The following FILIP1L variants were observed in gnomAD, a reference collection of about 807,000 sequenced individuals.
FILIP1L encodes the protein filamin A-interacting protein 1-like.
In FILIP1L, 55 loss-of-function variants were observed where a neutral mutation model predicts 96.6. That is an observed-to-expected ratio of 0.57 (90% CI 0.46 to 0.71). The LOEUF is 0.71. FILIP1L is among the 30% of genes least tolerant of loss of function. FILIP1L has a pLI of 0.00. For missense variants in FILIP1L, 1,304 were observed against 1,321.2 expected, an observed-to-expected ratio of 0.99 and a Z score of 0.20; for synonymous variants, 467 against 473.9, an observed-to-expected ratio of 0.99 and a Z score of 0.19.
intron 4 of FILIP1L, among the ~76,000 whole-genome samples, chr3:99,899,097 A>G (rs1181145342): frequency 3.3e-5 from 5 of 152,214 alleles, no homozygotes; most frequent in African/African-American, 4.8e-5. Flanking sequence ...CTTTGATTAT[A>G]TTAGATGGAG....
intron 5 of FILIP1L, among the ~76,000 whole-genome samples, chr3:99,832,705 G>A (rs1180701562): frequency 8.3e-6 from 1 of 119,926 alleles, no homozygotes; most frequent in Non-Finnish European, 1.7e-5. Flanking sequence ...GCCGGGCGTC[G>A]TGGCGCACTC....
intron 5 of FILIP1L, among the ~76,000 whole-genome samples, chr3:99,844,619 C>G (rs1357950201): frequency 6.6e-6 from 1 of 152,168 alleles, no homozygotes; most frequent in Non-Finnish European, 1.5e-5. Context: ...AATCCTTAGA[C>G]TACAAATCTC....
chr3:100,008,289 T>G (rs1223211349), intron 1 of FILIP1L, among the ~76,000 whole-genome samples: 3 of 152,120 alleles, frequency 2.0e-5, no homozygotes, highest in Non-Finnish European at 2.9e-5. Flanking sequence ...AGCATAGACT[T>G]GAACCAGTGC....
intron 1 of FILIP1L, among the ~76,000 whole-genome samples, chr3:100,111,962 T>G (rs1172519947): frequency 6.6e-6 from 1 of 152,220 alleles, no homozygotes; most frequent in Non-Finnish European, 1.5e-5. Flanking sequence ...TGCAGATTCC[T>G]ACACTCAGGG....
chr3:99,968,067 C>T (rs1316064467), intron 1 of FILIP1L, among the ~76,000 whole-genome samples: 1 of 152,132 alleles, frequency 6.6e-6, no homozygotes, highest in Non-Finnish European at 1.5e-5. Context: ...TTGGGGAAAA[C>T]ATGTACAAAG....
At chr3:100,078,833 G>A (rs1379039825) in intron 1 of FILIP1L, among the ~76,000 whole-genome samples, 1 of 152,170 alleles carries the variant, frequency 6.6e-6, no homozygotes, top group Non-Finnish European at 1.5e-5. Context: ...GGAGGCTGCA[G>A]TGAGCCAAGA....
chr3:100,004,590 A>G (rs190065240), intron 1 of FILIP1L, among the ~76,000 whole-genome samples: 1 of 152,208 alleles, frequency 6.6e-6, no homozygotes, highest in Non-Finnish European at 1.5e-5. Context: ...GATACAAGGA[A>G]TTAAGAAACA....
At chr3:99,871,976 G>A (rs1944810575) in intron 4 of FILIP1L, among the ~76,000 whole-genome samples, 1 of 151,714 alleles carries the variant, frequency 6.6e-6, no homozygotes, top group Non-Finnish European at 1.5e-5. Context: ...TAAGAACTTT[G>A]AACCTTTCTA....
Position 99,848,612 on chromosome 3 carries a change from G to C in FILIP1L, c.3064C>G (p.Pro1022Ala). 6.2e-7 allele frequency: 1 copy of C among 1,614,198 alleles called. No individual in the cohort carries two copies. The highest frequency in any genetic ancestry group is 8.5e-7 in the Non-Finnish European group (1 of 1,180,030). Residue 1022 changes from proline to alanine, a missense_variant, in exon 5 of 6, where the codon CCA (proline) becomes GCA (alanine). Physicochemically the swap from Pro to Ala is conservative, Grantham distance 27. Coordinates refer to ENST00000477258, the MANE Select transcript of FILIP1L (RefSeq NM_001387850.1). Reference protein sequence around the residue: ...SSPEQGRSPEPTEISAKHAIF... With the variant: ...SSPEQGRSPEATEISAKHAIF... ...GCATGCTTGGCACTGATTTCTGTTG[G>C]TTCTGGGGAGCGTCCCTGCTCAGGA...
chr3:100,027,254 G>A (rs7647256), intron 1 of FILIP1L, among the ~76,000 whole-genome samples: 140,731 of 152,220 alleles, frequency 0.92, 65,164 homozygotes, highest in African/African-American at 0.98. Context: ...TAGATTCCAC[G>A]TGGATAGGGA....
At chr3:99,862,602 C>G (rs1054049364) in intron 4 of FILIP1L, among the ~76,000 whole-genome samples, 1 of 152,178 alleles carries the variant, frequency 6.6e-6, no homozygotes, top group Non-Finnish European at 1.5e-5. Flanking sequence ...AACACAGTAC[C>G]TCCAGCTCAG....
chr3:99,859,417 A>G (rs1339385362), intron 4 of FILIP1L, among the ~76,000 whole-genome samples: 1 of 152,242 alleles, frequency 6.6e-6, no homozygotes, highest in Non-Finnish European at 1.5e-5. Flanking sequence ...CAGTCACCCT[A>G]GTCCTAAGTA....
intron 4 of FILIP1L, among the ~76,000 whole-genome samples, chr3:99,908,549 G>C (rs1229094437): frequency 6.6e-6 from 1 of 152,174 alleles, no homozygotes; most frequent in African/African-American, 2.4e-5. Flanking sequence ...GAAGTGTTAA[G>C]AGCTCAGATA....
chr3:100,020,282 C>T (rs960344119), intron 1 of FILIP1L, among the ~76,000 whole-genome samples: 1 of 152,146 alleles, frequency 6.6e-6, no homozygotes, highest in Non-Finnish European at 1.5e-5. Flanking sequence ...TGCAGATTTT[C>T]TAAAAGCTGT....
chr3:99,904,019 A>T (rs1706529356), intron 4 of FILIP1L, among the ~76,000 whole-genome samples: 1 of 152,220 alleles, frequency 6.6e-6, no homozygotes, highest in African/African-American at 2.4e-5. Context: ...CTGTTGAGAT[A>T]TGCATCTTGT....
chr3:99,880,268 G>C (rs1383935619), intron 4 of FILIP1L, among the ~76,000 whole-genome samples: 2 of 152,090 alleles, frequency 1.3e-5, no homozygotes, highest in African/African-American at 4.8e-5. Context: ...GGTGCCACCT[G>C]TCTGGCTCTG....
intron 1 of FILIP1L, among the ~76,000 whole-genome samples, chr3:99,985,879 G>A (rs180905052): frequency 1.4e-4 from 22 of 152,218 alleles, no homozygotes; most frequent in Admixed American, 9.8e-4. Context: ...GTGAGCCACC[G>A]CACCGGGCCT....
chr3:100,008,377 A>T (rs1193916833), intron 1 of FILIP1L, among the ~76,000 whole-genome samples: 1 of 152,148 alleles, frequency 6.6e-6, no homozygotes, highest in African/African-American at 2.4e-5. Context: ...AAGTTCCCCA[A>T]ACTAAAATTT....
chr3:99,932,719 A>G (rs1464116638), intron 1 of FILIP1L, among the ~76,000 whole-genome samples: 1 of 152,020 alleles, frequency 6.6e-6, no homozygotes, highest in Non-Finnish European at 1.5e-5. Context: ...GCGAAACCCC[A>G]TCTCTGCTAA....
Sources: gnomAD v4.1 joint callset for allele counts (sites outside exome capture counted in the v4.1 genomes callset) on GRCh38, gnomAD v4.1.1 for gene constraint, MANE v1.5 for transcripts, NCBI Gene and HGNC (gene_info 2026-07-23, HGNC 2026-07-21) for gene names.